UGT1A8: variants seen among roughly 807,000 people sequenced by gnomAD.
UGT1A8 encodes UDP glucuronosyltransferase family 1 member A8.
In UGT1A8, 39 loss-of-function variants were observed where a neutral mutation model predicts 45.3. That is an observed-to-expected ratio of 0.86 (90% confidence interval 0.67 to 1.12). The LOEUF is 1.12. Among genes scored for constraint, UGT1A8 ranks in the 50% most tolerant of loss-of-function variants. UGT1A8 has a pLI of 0.00. For synonymous variants in UGT1A8, 275 were observed against 249.2 expected (o/e 1.10, Z -0.97); for missense variants, 719 against 664.9 (o/e 1.08, Z -0.90).
At chr2:233,725,402 C>T (rs1244153836) in intron 1 of UGT1A8, among the ~76,000 whole-genome samples, 1 of 151,460 alleles carries the variant, frequency 6.6e-6, no homozygotes, top group Non-Finnish European at 1.5e-5. Context: ...CCTTGATGGT[C>T]TAATACAGAA....
intron 1 of UGT1A8, among the ~76,000 whole-genome samples, chr2:233,731,635 T>C (rs2078185230): frequency 6.6e-6 from 1 of 152,238 alleles, no homozygotes; most frequent in Non-Finnish European, 1.5e-5. Flanking sequence ...TATGGCTGCA[T>C]AGTATTCCAT....
chr2:233,696,338 A>T (rs1470953222), intron 1 of UGT1A8, among the ~76,000 whole-genome samples: 1 of 152,104 alleles, frequency 6.6e-6, no homozygotes, highest in Non-Finnish European at 1.5e-5. Context: ...CCTTATACAG[A>T]TCTTTCACTT....
intron 1 of UGT1A8, among the ~76,000 whole-genome samples, chr2:233,745,757 G>A (rs1464205566): frequency 6.7e-6 from 1 of 150,374 alleles, no homozygotes; most frequent in Admixed American, 6.6e-5. Flanking sequence ...AGCAGAAGGG[G>A]TGGAGAGGAG....
At chr2:233,725,624 T>C (rs1443141864) in intron 1 of UGT1A8, among the ~76,000 whole-genome samples, 1 of 152,198 alleles carries the variant, frequency 6.6e-6, no homozygotes, top group African/African-American at 2.4e-5. Flanking sequence ...GTCTTCAAAA[T>C]CTAGCATATA....
chr2:233,642,274 G>A (rs2073472779), intron 1 of UGT1A8, among the ~76,000 whole-genome samples: 1 of 152,060 alleles, frequency 6.6e-6, no homozygotes, highest in African/African-American at 2.4e-5. Context: ...TATTTCTTGT[G>A]TTTGGTCCAT....
chr2:233,760,233 C>T (rs1697357127), intron 1 of UGT1A8: 2 of 1,510,150 alleles, frequency 1.3e-6, no homozygotes, highest in Non-Finnish European at 9.0e-7. Context: ...TGGTTTTTGC[C>T]ATATATATAT....
intron 1 of UGT1A8, among the ~76,000 whole-genome samples, chr2:233,640,386 T>G (rs953315929): frequency 1.3e-5 from 2 of 152,148 alleles, no homozygotes; most frequent in Non-Finnish European, 2.9e-5. Context: ...TCATTGAATA[T>G]TTTATTAAAT....
At chr2:233,674,763 G>T (rs1373199990) in intron 1 of UGT1A8, among the ~76,000 whole-genome samples, 1 of 152,070 alleles carries the variant, frequency 6.6e-6, no homozygotes, top group Non-Finnish European at 1.5e-5. Flanking sequence ...ATGACTATAC[G>T]TGTAAAGCCA....
intron 1 of UGT1A8, chr2:233,636,322 C>A: frequency 1.1e-6 from 1 of 877,802 alleles, no homozygotes; most frequent in East Asian, 2.9e-5. Context: ...GGAAATCATA[C>A]AAGTAGGTAT....
At position 233,619,110 on chromosome 2, in the gene UGT1A8, T is replaced by A. The variant is rs866193183; in HGVS notation, c.855+548T>A. Among the ~76,000 whole-genome samples the A allele has an allele frequency of 9.2e-5, 14 of 152,244 alleles. No homozygotes were observed. In the South Asian group the frequency reaches 1.2e-3, roughly 14 times the overall value. On this transcript the variant is annotated intron_variant, in intron 1 of 4. Transcript: ENST00000373450. ...AGTTTTGTGTATATTCTTTTCAGTATAAAAAAAGTTTCATTTATATGCAAT... is the reference window on the plus strand; with the variant it reads ...AGTTTTGTGTATATTCTTTTCAGTAAAAAAAAAGTTTCATTTATATGCAAT...
intron 1 of UGT1A8, among the ~76,000 whole-genome samples, chr2:233,684,263 C>T (rs2074671170): frequency 6.6e-6 from 1 of 152,156 alleles, no homozygotes; most frequent in African/African-American, 2.4e-5. Context: ...AGTTGTAGGC[C>T]TTTCAAATGA....
At chr2:233,754,200 T>C (rs1333668014) in intron 1 of UGT1A8, 4 of 162,792 alleles carry the variant, frequency 2.5e-5, no homozygotes, top group Non-Finnish European at 5.4e-5. Context: ...CAGTAAAACA[T>C]TGAAGTCAAA....
chr2:233,630,465 T>C (rs1823803), intron 1 of UGT1A8, among the ~76,000 whole-genome samples: 71,583 of 152,010 alleles, frequency 0.47, 17,491 homozygotes, highest in Non-Finnish European at 0.54. Flanking sequence ...ACAAATATTC[T>C]GGTTGATTTT....
intron 1 of UGT1A8, among the ~76,000 whole-genome samples, chr2:233,761,453 G>A (rs1414983430): frequency 2.6e-5 from 4 of 152,196 alleles, no homozygotes. Flanking sequence ...GCTGGGTTTG[G>A]GGCACCCTGC....
Position 233,772,527 on chromosome 2 carries a change from G to C in UGT1A8, c.1561G>C (p.Val521Leu), listed in dbSNP as rs769084242. The part of the protein sequence containing the change: ...YRKCLGKKGR[V>L]KKAHKSKTH ...GAAATGCTTGGGGAAAAAAGGGCGA[G>C]TTAAGAAAGCCCACAAATCCAAGAC... Residue 521 changes from valine to leucine, a missense_variant, in exon 5 of 5, where the codon GTT (valine) becomes CTT (leucine). Physicochemically the swap from Val to Leu is conservative, Grantham distance 32 (BLOSUM62 1). Coordinates refer to ENST00000373450, the MANE Select transcript of UGT1A8 (RefSeq NM_019076.5). The C allele has an allele frequency of 1.9e-6, 3 of 1,614,046 alleles. No homozygotes were observed. The highest frequency in any genetic ancestry group is 1.6e-4 in the Middle Eastern group (1 of 6,084).
rs575340312 is a variant in UGT1A8, at chr2:233,701,661, A to G, written c.856-65373A>G. ...CAAACTGTCTCTCAGACCACAGTGC[A>G]ATCAAACTAGAACTCAGAATTAAGA... On this transcript the variant is annotated intron_variant, in intron 1 of 4. Transcript: ENST00000373450. Among the ~76,000 whole-genome samples, 9 of 152,370 alleles carry G rather than the reference A, an allele frequency of 5.9e-5. No homozygotes were observed. The East Asian group carries it at 1.3e-3, about 23-fold the overall frequency.
At position 233,754,261 on chromosome 2, in the gene UGT1A8, G is replaced by T. The variant is rs28900390; in HGVS notation, c.856-12773G>T. 8.6e-3 allele frequency: 1,501 copies of T among 174,210 alleles called. 34 individuals carry two copies. The highest frequency in any genetic ancestry group is 0.033 in the African/African-American group (1,401 of 41,884). The allele number at this position is 174,210 out of a possible 1,614,324, so 10.8% of individuals were successfully genotyped here. A position where few individuals can be genotyped will look rare whatever the true frequency, so the allele number is the denominator to read the frequency against. The stretch of plus-strand genomic sequence containing the variant: ...ACACTTTCCCAACGGAAAAAGGTAA[G>T]GCTCAAAGTGCTGAGATGAACATTC... On this transcript the variant is annotated intron_variant, in intron 1 of 4. Coordinates refer to ENST00000373450, the MANE Select transcript of UGT1A8 (RefSeq NM_019076.5).
chr2:233,673,184 A>G (rs1452844243), intron 1 of UGT1A8, among the ~76,000 whole-genome samples: 1 of 152,196 alleles, frequency 6.6e-6, no homozygotes, highest in Non-Finnish European at 1.5e-5. Context: ...TACAATATCT[A>G]ATGTAAATTC....
At position 233,760,587 on chromosome 2, in the gene UGT1A8, T is replaced by C. The variant is rs374655757; in HGVS notation, c.856-6447T>C. ...TTGTTAGTCTCGGGCATAATGTTTT[T>C]GAGAATGATTCTTTCCTGCAGCGTG... On this transcript the variant is annotated intron_variant, in intron 1 of 4. Coordinates refer to ENST00000373450, the MANE Select transcript of UGT1A8 (RefSeq NM_019076.5). 5 of 1,614,120 alleles carry C rather than the reference T, an allele frequency of 3.1e-6. No homozygotes were observed. Among genetic ancestry groups the C allele is most frequent in the Non-Finnish European group, 4.2e-6 (5 of 1,180,056 alleles).
Sources: gnomAD v4.1 joint callset for allele counts (sites outside exome capture counted in the v4.1 genomes callset) on GRCh38, gnomAD v4.1.1 for gene constraint, MANE v1.5 for transcripts, NCBI Gene and HGNC (gene_info 2026-07-23, HGNC 2026-07-21) for gene names.